The following CSGALNACT1 variants were observed in gnomAD, a reference collection of about 807,000 sequenced individuals.
CSGALNACT1 encodes chondroitin sulfate N-acetylgalactosaminyltransferase 1.
Under a neutral mutation model 51.0 loss-of-function variants are expected in CSGALNACT1, and 52 were observed. The ratio of observed to expected loss-of-function variants is 1.02; its 90% CI spans 0.82 to 1.29. CSGALNACT1 has a LOEUF of 1.29. CSGALNACT1 is among the 50% of genes most tolerant of loss of function. CSGALNACT1 has a pLI of 0.00. For missense variants in CSGALNACT1, 935 were observed against 679.2 expected (o/e 1.38, Z -4.19); for synonymous variants, 341 against 254.4 (o/e 1.34, Z -3.24).
intron 1 of CSGALNACT1, among the ~76,000 whole-genome samples, chr8:19,613,064 T>G (rs1421626640): frequency 1.3e-5 from 2 of 150,048 alleles, no homozygotes; most frequent in African/African-American, 4.9e-5. Context: ...TTTCACTGAA[T>G]TGAAAATTCT....
chr8:19,674,750 G>C (rs1270009264), intron 1 of CSGALNACT1, among the ~76,000 whole-genome samples: 2 of 152,184 alleles, frequency 1.3e-5, no homozygotes, highest in African/African-American at 2.4e-5. Context: ...AGGGAGGGCA[G>C]TTAGGAGGCA....
intron 1 of CSGALNACT1, among the ~76,000 whole-genome samples, chr8:19,726,032 G>A (rs903553450): frequency 2.0e-5 from 3 of 152,152 alleles, no homozygotes; most frequent in Non-Finnish European, 4.4e-5. Context: ...AATCCTCTGT[G>A]TTCTGAAGGC....
chr8:19,570,914 AAAACAAAC>A (rs1374598198), intron 3 of CSGALNACT1, among the ~76,000 whole-genome samples: 1 of 152,198 alleles, frequency 6.6e-6, no homozygotes, highest in Non-Finnish European at 1.5e-5. Context: ...TCCATCTCAA[AAAACAAAC>A]AAACAAACAA....
chr8:19,725,144 G>A (rs914111965), intron 1 of CSGALNACT1, among the ~76,000 whole-genome samples: 2 of 152,198 alleles, frequency 1.3e-5, no homozygotes, highest in Admixed American at 6.5e-5. Context: ...TAAGCACCGA[G>A]TCTCCCTCTG....
At chr8:19,416,482 G>A (rs1359233402) in intron 8 of CSGALNACT1, among the ~76,000 whole-genome samples, 1 of 152,168 alleles carries the variant, frequency 6.6e-6, no homozygotes, top group Non-Finnish European at 1.5e-5. Flanking sequence ...CACAGTAGTG[G>A]ACAGTAATGT....
At chr8:19,713,495 A>ATTT in intron 1 of CSGALNACT1, among the ~76,000 whole-genome samples, 1 of 152,258 alleles carries the variant, frequency 6.6e-6, no homozygotes, top group South Asian at 2.1e-4. Flanking sequence ...CCTTTTTTGG[A>ATTT]AATAAGGTTG....
intron 1 of CSGALNACT1, among the ~76,000 whole-genome samples, chr8:19,657,329 C>T (rs538267455): frequency 3.5e-4 from 44 of 125,180 alleles, no homozygotes; most frequent in African/African-American, 1.3e-3. Flanking sequence ...GGATGTCAAA[C>T]ATGTCTAACA....
At chr8:19,577,023 C>T (rs1261229859) in intron 3 of CSGALNACT1, among the ~76,000 whole-genome samples, 1 of 152,068 alleles carries the variant, frequency 6.6e-6, no homozygotes, top group Non-Finnish European at 1.5e-5. Flanking sequence ...ACCTCAAAAG[C>T]ATGGAAACAT....
At chr8:19,487,088 G>A (rs1256181311) in intron 4 of CSGALNACT1, among the ~76,000 whole-genome samples, 4 of 152,144 alleles carry the variant, frequency 2.6e-5, no homozygotes, top group African/African-American at 9.7e-5. Flanking sequence ...TTTATATAAT[G>A]CTTCCCTTCT....
intron 4 of CSGALNACT1, among the ~76,000 whole-genome samples, chr8:19,481,057 T>C (rs115899493): frequency 6.6e-6 from 1 of 152,204 alleles, no homozygotes; most frequent in Admixed American, 6.5e-5. Context: ...GCTGGAAATA[T>C]CACAGTGTAA....
intron 1 of CSGALNACT1, among the ~76,000 whole-genome samples, chr8:19,750,233 T>C (rs570742582): frequency 6.6e-6 from 1 of 152,338 alleles, no homozygotes; most frequent in African/African-American, 2.4e-5. Flanking sequence ...AGCTGCCATT[T>C]GCCTCCTGGC....
At chr8:19,456,644 A>G (rs2064167206) in intron 5 of CSGALNACT1, among the ~76,000 whole-genome samples, 2 of 152,218 alleles carry the variant, frequency 1.3e-5, no homozygotes, top group African/African-American at 2.4e-5. Context: ...CCAAAACTAT[A>G]AAAACACTCA....
At chr8:19,524,443 G>C (rs959508468) in intron 3 of CSGALNACT1, among the ~76,000 whole-genome samples, 4 of 151,878 alleles carry the variant, frequency 2.6e-5, no homozygotes, top group African/African-American at 9.7e-5. Context: ...TTTTTTTCTA[G>C]ATTTTGTTTT....
At chr8:19,697,531 C>A (rs1200064854) in intron 1 of CSGALNACT1, among the ~76,000 whole-genome samples, 1 of 152,092 alleles carries the variant, frequency 6.6e-6, no homozygotes, top group African/African-American at 2.4e-5. Context: ...CCGGGCAGAG[C>A]TAAAACAGAA....
At chr8:19,556,387 A>G (rs2039438634) in intron 3 of CSGALNACT1, among the ~76,000 whole-genome samples, 2 of 76,104 alleles carry the variant, frequency 2.6e-5, no homozygotes, top group Admixed American at 2.3e-4. Context: ...CTCAAAAGAA[A>G]AAAAAAAAAA....
intron 3 of CSGALNACT1, among the ~76,000 whole-genome samples, chr8:19,509,339 G>A (rs1346846849): frequency 6.6e-6 from 1 of 152,042 alleles, no homozygotes; most frequent in African/African-American, 2.4e-5. Flanking sequence ...GTGGGTGTTG[G>A]CCGGGCACGG....
At chr8:19,751,482 G>A (rs560647495) in intron 1 of CSGALNACT1, among the ~76,000 whole-genome samples, 15 of 152,210 alleles carry the variant, frequency 9.9e-5, no homozygotes, top group East Asian at 1.9e-4. Flanking sequence ...TATTATAAGC[G>A]CTAAGTTTAC....
intron 5 of CSGALNACT1, among the ~76,000 whole-genome samples, chr8:19,442,538 G>A (rs1254197910): frequency 6.7e-6 from 1 of 149,212 alleles, no homozygotes; most frequent in Non-Finnish European, 1.5e-5. Flanking sequence ...CACGGACACA[G>A]GAAGGGGAAC....
chr8:19,405,591 G>T lies in CSGALNACT1; in HGVS notation c.*189C>A, dbSNP rs189316656. 381 of 798,416 alleles carry T rather than the reference G, an allele frequency of 4.8e-4. 1 individual carries two copies. The highest frequency in any genetic ancestry group is 3.0e-3 in the Middle Eastern group (9 of 2,968). 49.5% of individuals were successfully genotyped at this position (798,416 alleles called of 1,614,324 possible). A position where few individuals can be genotyped will look rare whatever the true frequency, so the allele number is the denominator to read the frequency against. On this transcript the variant is annotated 3_prime_UTR_variant, in exon 10 of 10. Transcript: ENST00000454498. Reference sequence around the variant, plus strand: ...CACAGGGTGCAACTGGGTTACTTTTGCAGGCAAAGCGGAGATTTTGATTTC... The same window carrying T: ...CACAGGGTGCAACTGGGTTACTTTTTCAGGCAAAGCGGAGATTTTGATTTC...
Sources: gnomAD v4.1 joint callset for allele counts (sites outside exome capture counted in the v4.1 genomes callset) on GRCh38, gnomAD v4.1.1 for gene constraint, MANE v1.5 for transcripts, NCBI Gene and HGNC (gene_info 2026-07-23, HGNC 2026-07-21) for gene names.